The following AEBP2 variants were observed in gnomAD, a reference collection of about 807,000 sequenced individuals.
The protein encoded by AEBP2 is AE binding protein 2, also known as zinc finger protein AEBP2.
AEBP2 carries 10 observed loss-of-function variants against 50.8 expected under a neutral mutation model. That is an observed-to-expected ratio of 0.20 (90% CI 0.12 to 0.33). AEBP2 has a LOEUF of 0.33. Ranked by LOEUF, AEBP2 falls within the 10% of genes least tolerant of loss-of-function variation. The pLI is 1.00. For synonymous variants in AEBP2, 296 were observed against 261.3 expected (o/e 1.13, Z -1.28); for missense variants, 570 against 688.0 (o/e 0.83, Z 1.92).
Position 19,462,612 on chromosome 12 carries a change from T to C in AEBP2, c.774T>C (p.Asn258=). The C allele has an allele frequency of 6.2e-7, 1 of 1,613,936 alleles. No individual in the cohort carries two copies. The change falls in exon 2 of 8, where the codon AAT becomes AAC. Residue 258 remains asparagine, a synonymous_variant. Transcript: ENST00000266508. ...GQGSTTSSSK[N]IAYNCCWDQC... Reference sequence around the variant, plus strand: ...GAAGCACTACTTCTTCAAGCAAAAATATTGCCTATAATTGTTGTTGGGACC... The same window carrying C: ...GAAGCACTACTTCTTCAAGCAAAAACATTGCCTATAATTGTTGTTGGGACC...
chr12:19,472,376 A>G (rs557788534), intron 2 of AEBP2, among the ~76,000 whole-genome samples: 24 of 152,290 alleles, frequency 1.6e-4, no homozygotes, highest in African/African-American at 5.8e-4. Context: ...GTTGGGAAGC[A>G]GTTTTCAGTG....
At chr12:19,469,180 C>G (rs77355985) in intron 2 of AEBP2, among the ~76,000 whole-genome samples, 7,360 of 152,220 alleles carry the variant, frequency 0.048, 395 homozygotes, top group Admixed American at 0.15. Context: ...CTCACCTCGG[C>G]CTCTCAGAGT....
chr12:19,473,434 C>G (rs1948601390), intron 3 of AEBP2, 79 bp downstream of exon 3: 1 of 550,572 alleles, frequency 1.8e-6, no homozygotes, highest in Non-Finnish European at 2.4e-6. Flanking sequence ...ACAGAAGAGT[C>G]TCACTCTGTT....
intron 1 of AEBP2, among the ~76,000 whole-genome samples, chr12:19,425,173 T>C (rs2961365): frequency 0.85 from 129,049 of 152,142 alleles, 55,029 homozygotes; most frequent in African/African-American, 0.92. Context: ...TCACTGTCTC[T>C]ACATGTTGAA....
intron 4 of AEBP2, 68 bp downstream of exon 4, chr12:19,494,054 A>G: frequency 1.3e-5 from 18 of 1,437,474 alleles, no homozygotes; most frequent in Non-Finnish European, 1.7e-5. Flanking sequence ...CTTTTATGCA[A>G]ATCCACTTTG....
At chr12:19,457,748 C>A in intron 1 of AEBP2, 1 of 631,512 alleles carries the variant, frequency 1.6e-6, no homozygotes. Context: ...TCGGTTCCTA[C>A]TAGTCAAAAT....
At chr12:19,486,309 G>A (rs1432730036) in intron 3 of AEBP2, among the ~76,000 whole-genome samples, 2 of 152,074 alleles carry the variant, frequency 1.3e-5, no homozygotes, top group African/African-American at 4.8e-5. Flanking sequence ...TAAAAACATT[G>A]CTCTGTAGTA....
intron 5 of AEBP2, among the ~76,000 whole-genome samples, chr12:19,502,118 T>A (rs1484120108): frequency 1.3e-5 from 2 of 152,134 alleles, no homozygotes; most frequent in East Asian, 3.9e-4. Context: ...ATTATATATG[T>A]TTTCCTGTTA....
At chr12:19,481,476 C>CT (rs777141370) in intron 3 of AEBP2, among the ~76,000 whole-genome samples, 1,753 of 137,916 alleles carry the variant, frequency 0.013, 22 homozygotes, top group Non-Finnish European at 0.017. Context: ...CTTTTCTTTT[C>CT]TTTTTTTTTT....
intron 1 of AEBP2, among the ~76,000 whole-genome samples, chr12:19,446,723 C>A (rs1324312105): frequency 6.2e-5 from 7 of 112,204 alleles, no homozygotes; most frequent in Non-Finnish European, 8.9e-5. Context: ...CAGAGCGAGA[C>A]TCCGTTTCCA....
rs573667075 is a variant in AEBP2, at chr12:19,421,559, C to A, written c.-17+17343C>A. Among the ~76,000 whole-genome samples the A allele has an allele frequency of 2.0e-5, 3 of 151,620 alleles. 1 individual carries two copies. The highest frequency in any genetic ancestry group is 7.3e-5 in the African/African-American group (3 of 41,332). ...GTCATTTGAGCCCAGGAGGTTGAGG[C>A]TGCAGTAAACTGTAATCATGCTACT... is the stretch of plus-strand genomic sequence containing the variant. On this transcript the variant is annotated intron_variant, in intron 1 of 3. Coordinates refer to the AEBP2 transcript ENST00000538425.
chr12:19,518,235 TTTTA>T lies in AEBP2; in HGVS notation c.*119_*122del. 2.2e-6 allele frequency: 3 copies of T among 1,378,036 alleles called. No individual in the cohort carries two copies. Among genetic ancestry groups the T allele is most frequent in the Non-Finnish European group, 2.8e-6 (3 of 1,068,088 alleles). The allele number at this position is 1,378,036 out of a possible 1,614,324, so 85.4% of individuals were successfully genotyped here. On this transcript the variant is annotated 3_prime_UTR_variant, in exon 8 of 8. Coordinates refer to ENST00000266508, the MANE Select transcript of AEBP2 (RefSeq NM_153207.5). ...AACCCCTTCTTTTTTTTTTTTTTTT[TTTTA>T]AATCCAGTATTTAGGATAATATTTA...
chr12:19,424,240 G>A (rs766121171), intron 1 of AEBP2, among the ~76,000 whole-genome samples: 4 of 152,076 alleles, frequency 2.6e-5, no homozygotes, highest in South Asian at 2.1e-4. Context: ...AGGGGAAAAC[G>A]TGGCAAAGCA....
Position 19,518,757 on chromosome 12 carries a change from A to T in AEBP2, c.*640A>T. On this transcript the variant is annotated 3_prime_UTR_variant, in exon 8 of 8. Coordinates refer to ENST00000266508, the MANE Select transcript of AEBP2 (RefSeq NM_153207.5). ...AATCAACTAAAAATTCGTCTATCGA[A>T]TTAGGGCTGAAAATTACTGTTAAAG... The T allele has an allele frequency of 6.8e-7, 1 of 1,474,804 alleles. No homozygotes were observed. The highest frequency in any genetic ancestry group is 1.3e-5 in the South Asian group (1 of 75,116). 91.4% of individuals were successfully genotyped at this position (1,474,804 alleles called of 1,614,324 possible).
At chr12:19,410,988 C>A (rs2095738958) in intron 1 of AEBP2, among the ~76,000 whole-genome samples, 1 of 152,074 alleles carries the variant, frequency 6.6e-6, no homozygotes, top group Non-Finnish European at 1.5e-5. Flanking sequence ...ACTTCCATAT[C>A]AATGGCAGAG....
intron 1 of AEBP2, among the ~76,000 whole-genome samples, chr12:19,446,674 G>T (rs1431276285): frequency 6.7e-6 from 1 of 150,204 alleles, no homozygotes; most frequent in African/African-American, 2.5e-5. Context: ...GGAGCTTGCA[G>T]TGAGCAGAGT....
chr12:19,442,373 A>C (rs1220586316), intron 1 of AEBP2, among the ~76,000 whole-genome samples: 1 of 152,106 alleles, frequency 6.6e-6, no homozygotes, highest in Non-Finnish European at 1.5e-5. Context: ...GTGCCACTGC[A>C]CTCCAGCCTG....
Position 19,443,912 on chromosome 12 carries a change from GTTTA to G in AEBP2, c.671+3546_671+3549del, listed in dbSNP as rs368892091. 7.1e-3 allele frequency among the ~76,000 whole-genome samples: 1,079 copies of G among 152,092 alleles called. 3 individuals are homozygous for G. The highest frequency in any genetic ancestry group is 0.011 in the Non-Finnish European group (757 of 67,978). ...CAAAACCAGTGTAAGTTTATAGCGT[GTTTA>G]TTTTAGTAAATTTAGAAATTCTTGA... On this transcript the variant is annotated intron_variant, in intron 1 of 7. Transcript: ENST00000266508.
At chr12:19,448,497 A>G (rs909858317) in intron 1 of AEBP2, among the ~76,000 whole-genome samples, 11 of 151,992 alleles carry the variant, frequency 7.2e-5, no homozygotes, top group African/African-American at 2.4e-4. Flanking sequence ...AAAAAAAAAA[A>G]AGTAAAGATC....
Sources: allele counts gnomAD v4.1 joint callset (sites outside exome capture counted in the v4.1 genomes callset), GRCh38; gene constraint gnomAD v4.1.1; transcripts MANE v1.5; gene names NCBI Gene and HGNC (gene_info 2026-07-23, HGNC 2026-07-21).